The following ZNF644 variants were observed in gnomAD, a reference collection of about 807,000 sequenced individuals.
ZNF644 encodes the protein zinc finger protein 644, also known as zinc finger motif enhancer binding protein 2.
Under a neutral mutation model 108.0 loss-of-function variants are expected in ZNF644, and 20 were observed. That is an observed-to-expected ratio of 0.19 (90% CI 0.13 to 0.27). The LOEUF (loss-of-function observed/expected upper bound fraction) is 0.27, where lower values mean the gene tolerates loss of function less well. Among genes scored for constraint, ZNF644 ranks in the 10% least tolerant of loss-of-function variants. The pLI, the probability that ZNF644 is intolerant of heterozygous loss-of-function variation, is 1.00. For missense variants in ZNF644, 1,338 were observed against 1,548.9 expected, an observed-to-expected ratio of 0.86 and a Z score of 2.29; for synonymous variants, 542 against 539.1, an observed-to-expected ratio of 1.01 and a Z score of -0.08.
intron 2 of ZNF644, among the ~76,000 whole-genome samples, chr1:90,948,842 C>G (rs1652795704): frequency 6.6e-6 from 1 of 152,170 alleles, no homozygotes; most frequent in Non-Finnish European, 1.5e-5. Context: ...TAGTTTCCTT[C>G]TAATACCTCA....
chr1:90,943,787 A>G (rs1050999379), intron 2 of ZNF644, among the ~76,000 whole-genome samples: 1 of 151,988 alleles, frequency 6.6e-6, no homozygotes, highest in Non-Finnish European at 1.5e-5. Flanking sequence ...CAGCACATAA[A>G]CATGTGTTAG....
At position 90,940,883 on chromosome 1, in the gene ZNF644, T is replaced by C; in HGVS notation, c.471A>G (p.Val157=). Residue 157 remains valine (V), a synonymous_variant, in exon 3 of 6, where the codon GTA becomes GTG. Coordinates refer to ENST00000337393, the MANE Select transcript of ZNF644 (RefSeq NM_201269.3). The part of the protein sequence containing the change: ...PTTESCSTLK[V]AADLQLSTPQ... ...GTGTAGACAGCTGAAGATCAGCTGCTACCTTCAAAGTTGAACAAGATTCTG... is the reference window on the plus strand; with the variant it reads ...GTGTAGACAGCTGAAGATCAGCTGCCACCTTCAAAGTTGAACAAGATTCTG... The C allele has an allele frequency of 6.2e-7, 1 of 1,614,084 alleles. No individual in the cohort carries two copies. The highest frequency in any genetic ancestry group is 8.5e-7 in the Non-Finnish European group (1 of 1,179,980).
chr1:90,932,976 T>C (rs1283768088), intron 4 of ZNF644, among the ~76,000 whole-genome samples: 4 of 152,210 alleles, frequency 2.6e-5, no homozygotes, highest in African/African-American at 7.2e-5. Context: ...TACTTAATCA[T>C]ATTTTTAAAA....
At chr1:90,957,001 T>C (rs1331766234) in intron 2 of ZNF644, among the ~76,000 whole-genome samples, 1 of 151,914 alleles carries the variant, frequency 6.6e-6, no homozygotes, top group African/African-American at 2.4e-5. Context: ...TTAAAAGAAT[T>C]ATAACAGAAT....
intron 2 of ZNF644, among the ~76,000 whole-genome samples, chr1:90,942,673 T>C (rs1652116052): frequency 6.6e-6 from 1 of 152,200 alleles, no homozygotes; most frequent in African/African-American, 2.4e-5. Flanking sequence ...GGATACCCCA[T>C]TCAAACACAA....
In ZNF644 at chr1:90,938,012, G is replaced by T; in HGVS notation, c.3161C>A (p.Ser1054Ter). 6.2e-7 allele frequency: 1 copy of T among 1,610,984 alleles called. No homozygotes were observed. Among genetic ancestry groups the T allele is most frequent in the South Asian group, 1.1e-5 (1 of 91,054 alleles). The change falls in exon 4 of 6, where the codon TCA becomes TAA. Residue 1054 changes from serine to a stop codon, truncating the protein, a stop_gained. Coordinates refer to ENST00000337393, the MANE Select transcript of ZNF644 (RefSeq NM_201269.3). LOFTEE classifies it high-confidence loss of function. The surrounding 1 kb of genome is among the most constrained non-coding windows in gnomAD (Gnocchi z 4.2). Reference protein sequence around the residue: ...GGWFDTKIGLSNHVRGHLKRL... With the variant: ...GGWFDTKIGL ...TTTCAAGTGGCCTCTAACATGATTT[G>T]ATAATCCAATTTTAGTATCAAACCA...
chr1:90,937,802 G>C lies in ZNF644; in HGVS notation c.3371C>G (p.Pro1124Arg). Residue 1124 changes from proline (P) to arginine (R), a missense_variant, in exon 4 of 6, where the codon CCT (proline) becomes CGT (arginine). Pro to Arg is a moderately radical substitution (Grantham distance 103). Transcript: ENST00000337393. ...TAGGCCATTACGGTATGCTTCAAGAGGTATAACATTTTGAGATATAAAGTC... is the reference window on the plus strand; with the variant it reads ...TAGGCCATTACGGTATGCTTCAAGACGTATAACATTTTGAGATATAAAGTC... ...SDDFISQNVI[P>R]LEAYRNGLKT... is the part of the protein sequence containing the mutation. The C allele has an allele frequency of 3.7e-6, 6 of 1,613,788 alleles. No individual in the cohort carries two copies. Among genetic ancestry groups the C allele is most frequent in the Non-Finnish European group, 5.1e-6 (6 of 1,179,862 alleles).
intron 2 of ZNF644, among the ~76,000 whole-genome samples, chr1:90,978,526 A>G (rs546166816): frequency 1.3e-5 from 2 of 152,328 alleles, no homozygotes; most frequent in South Asian, 4.1e-4. Context: ...CAATGCTACT[A>G]AAGAAACTGA....
intron 2 of ZNF644, among the ~76,000 whole-genome samples, chr1:90,950,984 C>A (rs1557589314): frequency 6.6e-6 from 1 of 152,194 alleles, no homozygotes; most frequent in Non-Finnish European, 1.5e-5. Flanking sequence ...ATCTAGCAGC[C>A]TTCCTCATCT....
intron 2 of ZNF644, among the ~76,000 whole-genome samples, chr1:90,965,137 C>T (rs1654728582): frequency 6.6e-6 from 1 of 152,152 alleles, no homozygotes; most frequent in Admixed American, 6.5e-5. Flanking sequence ...TATACTGGAT[C>T]TGTATAGCTA....
At chr1:90,996,674 G>A (rs998498965) in intron 1 of ZNF644, among the ~76,000 whole-genome samples, 5 of 152,120 alleles carry the variant, frequency 3.3e-5, no homozygotes, top group African/African-American at 9.7e-5. Flanking sequence ...CCAGCTACTC[G>A]GGAGGCTGAA....
rs377463622 is a variant in ZNF644 at position 90,940,710 on chromosome 1, T to C, written c.644A>G (p.Asp215Gly). 12 of 1,613,998 alleles carry C rather than the reference T, an allele frequency of 7.4e-6. No individual in the cohort carries two copies. The highest frequency in any genetic ancestry group is 2.2e-5 in the South Asian group (2 of 91,080). Reference sequence around the variant, plus strand: ...CTCTACTTGATTTATTAAAGTGCCATCTGACTTTATATTACTCCCTACTGA... The same window carrying C: ...CTCTACTTGATTTATTAAAGTGCCACCTGACTTTATATTACTCCCTACTGA... ...QNSVGSNIKS[D>G]GTLINQVEVG... The change falls in exon 3 of 6, where the codon GAT (aspartate) becomes GGT (glycine). Residue 215 changes from aspartate to glycine, a missense_variant. Transcript: ENST00000337393.
At chr1:90,956,271 G>A (rs1174733420) in intron 2 of ZNF644, among the ~76,000 whole-genome samples, 1 of 152,220 alleles carries the variant, frequency 6.6e-6, no homozygotes, top group African/African-American at 2.4e-5. Flanking sequence ...TTACCTAAAT[G>A]TGATACGGAG....
At chr1:90,988,582 A>G (rs1657341395) in intron 1 of ZNF644, among the ~76,000 whole-genome samples, 1 of 152,182 alleles carries the variant, frequency 6.6e-6, no homozygotes, top group South Asian at 2.1e-4. Flanking sequence ...GAGCCAAAAC[A>G]AACTTGAAAA....
intron 2 of ZNF644, among the ~76,000 whole-genome samples, chr1:90,959,807 A>C (rs1654146652): frequency 6.6e-6 from 1 of 152,196 alleles, no homozygotes; most frequent in Non-Finnish European, 1.5e-5. Flanking sequence ...GTTGCACAAC[A>C]GTGTAAATAC....
intron 2 of ZNF644, among the ~76,000 whole-genome samples, chr1:90,972,549 A>T (rs1655602970): frequency 6.6e-6 from 1 of 152,146 alleles, no homozygotes; most frequent in Admixed American, 6.5e-5. Context: ...ACTACAGAAA[A>T]CTATGGTGGC....
At chr1:90,987,740 T>C (rs1028177478) in intron 1 of ZNF644, among the ~76,000 whole-genome samples, 13 of 152,072 alleles carry the variant, frequency 8.5e-5, no homozygotes, top group African/African-American at 2.7e-4. Flanking sequence ...AACAAAATTA[T>C]AGACGTATAT....
chr1:90,938,059 G>A lies in ZNF644; in HGVS notation c.3114C>T (p.His1038=), dbSNP rs1651533293. ...ACCAACCACCACAGAGCTGACAAGT[G>A]TGTTCAGAAGTGGTTTCAGACTTCT... ...AIEKSETTSE[H]TCQLCGGWFD... The change falls in exon 4 of 6, where the codon CAC becomes CAT. Residue 1038 remains histidine (H), a synonymous_variant. Transcript: ENST00000337393. The surrounding 1 kb of genome is among the most constrained non-coding windows in gnomAD (Gnocchi z 4.2). 1 of 1,610,690 alleles carries A rather than the reference G, an allele frequency of 6.2e-7. No individual in the cohort carries two copies. Among genetic ancestry groups the A allele is most frequent in the Non-Finnish European group, 8.5e-7 (1 of 1,179,784 alleles).
At position 90,941,068 on chromosome 1, in the gene ZNF644, T is replaced by G. The variant is rs771805010; in HGVS notation, c.286A>C (p.Ile96Leu). 5.6e-6 allele frequency: 9 copies of G among 1,614,054 alleles called. No individual in the cohort carries two copies. The African/African-American group carries it at 1.2e-4, about 22-fold the overall frequency. The change falls in exon 3 of 6, where the codon ATA (isoleucine) becomes CTA (leucine). Residue 96 changes from isoleucine (I) to leucine (L), a missense_variant. Ile to Leu is a conservative substitution (Grantham distance 5). This residue lies in a region of ZNF644 where 464 missense variants were observed against 457.9 expected (regional missense o/e 1.01). Transcript: ENST00000337393. ...ALSGGQSSLFIHAGAPTVSSE... is the reference protein window; with the variant it reads ...ALSGGQSSLFLHAGAPTVSSE... Reference sequence around the variant, plus strand: ...GAAACAGTAGGAGCACCAGCATGTATAAATAGACTAGACTGGCCTCCACTT... The same window carrying G: ...GAAACAGTAGGAGCACCAGCATGTAGAAATAGACTAGACTGGCCTCCACTT...
Sources: allele counts gnomAD v4.1 joint callset (sites outside exome capture counted in the v4.1 genomes callset), GRCh38; gene constraint gnomAD v4.1.1; regional missense constraint gnomAD v4.1.1; non-coding constraint Gnocchi (gnomAD v3.1); transcripts MANE v1.5; gene names NCBI Gene and HGNC (gene_info 2026-07-23, HGNC 2026-07-21).